Variants in KCNN3 observed in about 807,000 individuals in gnomAD.
KCNN3 encodes the protein potassium calcium-activated channel subfamily N member 3.
A neutral mutation model predicts 62.9 loss-of-function variants in KCNN3; 16 were observed. The ratio of observed to expected loss-of-function variants is 0.25; its 90% CI spans 0.17 to 0.39. The LOEUF (loss-of-function observed/expected upper bound fraction) is 0.39. KCNN3 is among the 10% of genes least tolerant of loss of function. KCNN3 has a pLI of 1.00. For synonymous variants in KCNN3, 370 were observed against 389.2 expected (o/e 0.95, Z 0.58); for missense variants, 599 against 949.4 (o/e 0.63, Z 4.85).
intron 2 of KCNN3, among the ~76,000 whole-genome samples, chr1:154,784,389 G>T (rs374000843): frequency 2.0e-5 from 3 of 152,094 alleles, no homozygotes; most frequent in African/African-American, 7.2e-5. Flanking sequence ...TGCCACACCC[G>T]GTGTCTCATC....
At chr1:154,789,469 T>G (rs1218305002) in intron 2 of KCNN3, among the ~76,000 whole-genome samples, 1 of 152,208 alleles carries the variant, frequency 6.6e-6, no homozygotes, top group Admixed American at 6.5e-5. Context: ...ATTATGCTTT[T>G]GACCATTGTG....
rs1652909412 is a variant in KCNN3 at position 154,865,285 on chromosome 1, T to A, written c.933+3747A>T. On this transcript the variant is annotated intron_variant, in intron 1 of 7. Coordinates refer to ENST00000271915, the MANE Select transcript of KCNN3 (RefSeq NM_002249.6). ...TCAGTACAGATGATGTGATTAAGATTCTCAACAGAATCTCTAGACCAGGCC... is the reference window on the plus strand; with the variant it reads ...TCAGTACAGATGATGTGATTAAGATACTCAACAGAATCTCTAGACCAGGCC... 2.0e-5 allele frequency among the ~76,000 whole-genome samples: 3 copies of A among 151,800 alleles called. No homozygotes were observed. In the South Asian group the frequency reaches 6.2e-4, roughly 32 times the overall value.
intron 3 of KCNN3, among the ~76,000 whole-genome samples, chr1:154,755,027 C>T (rs554644183): frequency 1.3e-5 from 2 of 152,306 alleles, no homozygotes; most frequent in African/African-American, 2.4e-5. Context: ...GCCACCACCG[C>T]CCTTCTAAGT....
At chr1:154,784,298 G>T (rs1649183779) in intron 2 of KCNN3, among the ~76,000 whole-genome samples, 1 of 152,112 alleles carries the variant, frequency 6.6e-6, no homozygotes, top group East Asian at 1.9e-4. Flanking sequence ...TGGCAACCCA[G>T]AGTGTCCACC....
intron 1 of KCNN3, among the ~76,000 whole-genome samples, chr1:154,853,682 GC>G (rs1485673753): frequency 6.6e-6 from 1 of 152,232 alleles, no homozygotes; most frequent in African/African-American, 2.4e-5. Context: ...GGTGGCTCAT[GC>G]CTGTAATCCC....
chr1:154,727,870 T>C (rs1700503828), intron 4 of KCNN3, among the ~76,000 whole-genome samples: 1 of 152,168 alleles, frequency 6.6e-6, no homozygotes, highest in Non-Finnish European at 1.5e-5. Context: ...CCCTCTCCTT[T>C]ATATGGAGTT....
chr1:154,767,925 A>G (rs978735857), intron 3 of KCNN3, among the ~76,000 whole-genome samples: 1 of 152,226 alleles, frequency 6.6e-6, no homozygotes, highest in African/African-American at 2.4e-5. Flanking sequence ...AACCCAAGAT[A>G]TGAGAACTGT....
rs575111668 is a variant in KCNN3, at chr1:154,869,636, G to A, written c.329C>T (p.Ala110Val). ...LLHSSPTAFR[A>V]PPSSNSTAIL... The stretch of plus-strand genomic sequence containing the variant: ...GGCGGTGGAGTTGGACGAAGGGGGG[G>A]CCCTGAAAGCGGTGGGAGAGGAGTG... The change falls in exon 1 of 8, where the codon GCC becomes GTC. Residue 110 changes from alanine (A) to valine (V), a missense_variant. Transcript: ENST00000271915. The surrounding 1 kb of genome is among the most constrained non-coding windows in gnomAD (Gnocchi z 6.1). 4 of 1,613,400 alleles carry A rather than the reference G, an allele frequency of 2.5e-6. No homozygotes were observed. Among genetic ancestry groups the A allele is most frequent in the South Asian group, 1.1e-5 (1 of 90,988 alleles).
intron 7 of KCNN3, among the ~76,000 whole-genome samples, chr1:154,711,873 G>A (rs528713765): frequency 6.6e-6 from 1 of 152,238 alleles, no homozygotes; most frequent in African/African-American, 2.4e-5. Context: ...CGCGGGGACA[G>A]GAGGCAGAGA....
intron 2 of KCNN3, among the ~76,000 whole-genome samples, chr1:154,812,265 C>CT (rs536513932): frequency 1.1e-4 from 16 of 151,000 alleles, no homozygotes; most frequent in African/African-American, 2.4e-4. Context: ...CTTTTTTTTT[C>CT]TTTTTTTTTA....
At chr1:154,752,457 G>A (rs1042977673) in intron 3 of KCNN3, among the ~76,000 whole-genome samples, 7 of 152,168 alleles carry the variant, frequency 4.6e-5, no homozygotes, top group African/African-American at 1.2e-4. Flanking sequence ...AGGGAACCTC[G>A]GAGAATGGGA....
Position 154,702,720 on chromosome 1 carries a change from T to G in KCNN3, c.*5256A>C, listed in dbSNP as rs1431455327. The G allele has an allele frequency of 5.8e-5, 7 of 119,666 alleles. 1 individual carries two copies. Among genetic ancestry groups the G allele is most frequent in the South Asian group, 5.1e-4 (2 of 3,936 alleles). The allele number at this position is 119,666 out of a possible 1,614,324, so 7.4% of individuals were successfully genotyped here. On this transcript the variant is annotated 3_prime_UTR_variant, in exon 8 of 8. Coordinates refer to ENST00000271915, the MANE Select transcript of KCNN3 (RefSeq NM_002249.6). ...ATTCAGATATATATATATATATATA[T>G]ATATATATATATATATATATATATA...
chr1:154,845,479 C>T (rs890160932), intron 1 of KCNN3, among the ~76,000 whole-genome samples: 29 of 152,298 alleles, frequency 1.9e-4, no homozygotes, highest in African/African-American at 7.0e-4. Context: ...CTCCTACACC[C>T]CCGGGCCCAA....
chr1:154,730,964 A>G (rs1044132351), intron 4 of KCNN3, among the ~76,000 whole-genome samples: 3 of 152,208 alleles, frequency 2.0e-5, no homozygotes, highest in African/African-American at 7.2e-5. Flanking sequence ...GTGCCAGAGT[A>G]GAGCCAGGAG....
chr1:154,863,923 TGTCCCCCTGTGG>T (rs1424038918), intron 1 of KCNN3, among the ~76,000 whole-genome samples: 2 of 152,248 alleles, frequency 1.3e-5, no homozygotes, highest in Non-Finnish European at 2.9e-5. Flanking sequence ...AAAAGTTAGC[TGTCCCCCTGTGG>T]GTTACAGATG....
At chr1:154,789,693 G>A (rs1310480123) in intron 2 of KCNN3, among the ~76,000 whole-genome samples, 1 of 152,108 alleles carries the variant, frequency 6.6e-6, no homozygotes, top group Non-Finnish European at 1.5e-5. Flanking sequence ...GACAGGCAGG[G>A]CCTTGGGGGA....
chr1:154,767,823 C>A (rs912920705), intron 3 of KCNN3, among the ~76,000 whole-genome samples: 10 of 152,228 alleles, frequency 6.6e-5, no homozygotes, highest in Admixed American at 1.3e-4. Context: ...GCGCTGCCCT[C>A]CCCATGGCAC....
chr1:154,776,005 G>A (rs1380610609), intron 2 of KCNN3, among the ~76,000 whole-genome samples: 1 of 116,732 alleles, frequency 8.6e-6, no homozygotes, highest in Non-Finnish European at 1.9e-5. Flanking sequence ...ATGAGGAGTG[G>A]GATTGTAAGT....
chr1:154,741,207 A>G (rs1011560807), intron 3 of KCNN3, among the ~76,000 whole-genome samples: 4 of 152,232 alleles, frequency 2.6e-5, no homozygotes, highest in African/African-American at 9.6e-5. Context: ...TGTGCAGACC[A>G]TCCTTTCTCC....
Sources: gnomAD v4.1 joint callset for allele counts (sites outside exome capture counted in the v4.1 genomes callset) on GRCh38, gnomAD v4.1.1 for gene constraint, Gnocchi (gnomAD v3.1) non-coding constraint, MANE v1.5 for transcripts, NCBI Gene and HGNC (gene_info 2026-07-23, HGNC 2026-07-21) for gene names.